LGI2: variants seen among roughly 807,000 people sequenced by gnomAD.
The protein encoded by LGI2 is leucine-rich repeat LGI family member 2.
Under a neutral mutation model 52.0 loss-of-function variants are expected in LGI2, and 30 were observed. The observed-to-expected ratio is 0.58, with a 90% CI of 0.43 to 0.78. The LOEUF is 0.78. LGI2 is among the 30% of genes least tolerant of loss of function. The pLI, the probability that LGI2 is intolerant of heterozygous loss-of-function variation, is 0.00. For missense variants in LGI2, 573 were observed against 692.5 expected, an observed-to-expected ratio of 0.83 and a Z score of 1.94; for synonymous variants, 270 against 271.8, an observed-to-expected ratio of 0.99 and a Z score of 0.06.
chr4:25,027,394 TA>T lies in LGI2; in HGVS notation c.270-456del, dbSNP rs10615910. ...ATGCAGCTGGACCCATAACAATAGT[TA>T]AAAAAAAAAAAAAAAAAGTTTGTTT... On this transcript the variant is annotated intron_variant, in intron 2 of 7. Coordinates refer to ENST00000382114, the MANE Select transcript of LGI2 (RefSeq NM_018176.4). 7.6e-3 allele frequency among the ~76,000 whole-genome samples: 1,104 copies of T among 144,340 alleles called. 8 individuals carry two copies. Among genetic ancestry groups the T allele is most frequent in the Admixed American group, 0.01 (151 of 14,490 alleles). The allele number at this position is 144,340 out of a possible 152,430, so 94.7% of individuals were successfully genotyped here. A position where few individuals can be genotyped will look rare whatever the true frequency, so the allele number is the denominator to read the frequency against.
At chr4:24,995,202 G>A (rs779766123), downstream of LGI2, among the ~76,000 whole-genome samples, 4 of 152,184 alleles carry the variant, frequency 2.6e-5, no homozygotes, top group Admixed American at 6.5e-5. Context: ...GTGGTGACAC[G>A]TCATAGTGTG....
intron 6 of LGI2, among the ~76,000 whole-genome samples, chr4:25,013,539 G>A (rs551506358): frequency 1.3e-5 from 2 of 152,212 alleles, no homozygotes; most frequent in East Asian, 3.9e-4. Flanking sequence ...TATTTAGTAG[G>A]GCTAAGGCAC....
chr4:25,014,484 C>CCCA (rs1553871855), intron 6 of LGI2, among the ~76,000 whole-genome samples: 8 of 116,822 alleles, frequency 6.8e-5, no homozygotes, highest in East Asian at 2.4e-4. Flanking sequence ...CCGCCCCCGC[C>CCCA]AAAAAAAAGG....
intron 6 of LGI2, 42 bp from the exon 7 acceptor site, chr4:25,012,541 C>G: frequency 6.3e-7 from 1 of 1,598,020 alleles, no homozygotes; most frequent in Non-Finnish European, 8.6e-7. Flanking sequence ...CATAAAATCT[C>G]CTGTAGGGAT....
chr4:25,015,579 T>C (rs1644462514), intron 6 of LGI2, among the ~76,000 whole-genome samples: 1 of 152,204 alleles, frequency 6.6e-6, no homozygotes, highest in South Asian at 2.1e-4. Flanking sequence ...TAATCTGAGT[T>C]GAAAAGGAAA....
chr4:25,019,307 A>C (rs1725873715), intron 4 of LGI2, 69 bp from the exon 5 acceptor site: 1 of 1,028,564 alleles, frequency 9.7e-7, no homozygotes, highest in African/African-American at 1.6e-5. Flanking sequence ...CTCCCTTCAG[A>C]TAAAGCTGTT....
At chr4:25,022,261 A>G in intron 4 of LGI2, among the ~76,000 whole-genome samples, 1 of 152,154 alleles carries the variant, frequency 6.6e-6, no homozygotes, top group Non-Finnish European at 1.5e-5. Flanking sequence ...TTAACTGGGG[A>G]GATAGAACTC....
intron 6 of LGI2, among the ~76,000 whole-genome samples, chr4:25,017,661 C>T (rs1281474147): frequency 6.6e-6 from 1 of 151,744 alleles, no homozygotes; most frequent in Non-Finnish European, 1.5e-5. Context: ...CTGCAGTGGC[C>T]TTCTATGAAA....
chr4:25,016,737 C>T (rs546194207), intron 6 of LGI2, among the ~76,000 whole-genome samples: 2 of 152,286 alleles, frequency 1.3e-5, no homozygotes, highest in South Asian at 4.1e-4. Context: ...AAGGTGGTAG[C>T]GGGGACTGGC....
chr4:25,022,449 T>C (rs1351371814), intron 4 of LGI2, among the ~76,000 whole-genome samples: 1 of 152,104 alleles, frequency 6.6e-6, no homozygotes, highest in Non-Finnish European at 1.5e-5. Context: ...AGGCTTGACT[T>C]GTAGGCTTGA....
At chr4:25,028,182 A>G (rs1213854971) in intron 2 of LGI2, among the ~76,000 whole-genome samples, 2 of 152,182 alleles carry the variant, frequency 1.3e-5, no homozygotes, top group African/African-American at 2.4e-5. Flanking sequence ...TTTCTTTTAA[A>G]CTGAGGTGTT....
chr4:25,024,095 A>G (rs891205956), intron 4 of LGI2, among the ~76,000 whole-genome samples: 1 of 152,198 alleles, frequency 6.6e-6, no homozygotes, highest in East Asian at 1.9e-4. Flanking sequence ...CCACCTAGTC[A>G]TCTAAGCCTT....
downstream of LGI2, among the ~76,000 whole-genome samples, chr4:24,994,329 C>T (rs913972455): frequency 4.6e-5 from 7 of 152,202 alleles, no homozygotes; most frequent in Non-Finnish European, 7.3e-5. Flanking sequence ...GGAGCCCGAG[C>T]TCCCCAGATG....
At chr4:25,017,852 G>T in intron 6 of LGI2, 137 bp downstream of exon 6, 1 of 780,300 alleles carries the variant, frequency 1.3e-6, no homozygotes, top group Non-Finnish European at 1.8e-6. Flanking sequence ...CATTTCTTTA[G>T]AATGTTTAAA....
At chr4:25,011,435 C>T (rs1041735365) in intron 7 of LGI2, among the ~76,000 whole-genome samples, 1 of 152,162 alleles carries the variant, frequency 6.6e-6, no homozygotes, top group Admixed American at 6.5e-5. Flanking sequence ...GTACATCTCA[C>T]ACCGAGATAC....
intron 1 of LGI2, among the ~76,000 whole-genome samples, chr4:25,029,505 C>A (rs1677796819): frequency 1.3e-5 from 2 of 152,220 alleles, no homozygotes; most frequent in Admixed American, 1.3e-4. Context: ...CTGCCTCCAC[C>A]ACTGACTGGG....
At chr4:25,009,254 T>C (rs1261655055) in intron 7 of LGI2, among the ~76,000 whole-genome samples, 2 of 152,212 alleles carry the variant, frequency 1.3e-5, no homozygotes, top group South Asian at 2.1e-4. Context: ...ATTTGGCTCA[T>C]GCCAAACCAT....
At chr4:25,014,705 C>A (rs2109414671) in intron 6 of LGI2, among the ~76,000 whole-genome samples, 1 of 151,846 alleles carries the variant, frequency 6.6e-6, no homozygotes, top group Non-Finnish European at 1.5e-5. Flanking sequence ...ATGGTGCATG[C>A]CTGTAGTCCC....
At chr4:25,029,212 C>G (rs1032388880) in intron 1 of LGI2, among the ~76,000 whole-genome samples, 3 of 152,200 alleles carry the variant, frequency 2.0e-5, no homozygotes, top group Non-Finnish European at 2.9e-5. Context: ...TTCAGAATTC[C>G]TTTCAGTTGG....
Sources: allele counts gnomAD v4.1 joint callset (sites outside exome capture counted in the v4.1 genomes callset), GRCh38; gene constraint gnomAD v4.1.1; transcripts MANE v1.5; gene names NCBI Gene and HGNC (gene_info 2026-07-23, HGNC 2026-07-21).